Variants in ITPR2 observed in about 807,000 individuals in gnomAD.
ITPR2 encodes the protein inositol 1,4,5-trisphosphate-gated calcium channel ITPR2.
A neutral mutation model predicts 317.1 loss-of-function variants in ITPR2; 207 were observed. That is an observed-to-expected ratio of 0.65 (90% CI 0.58 to 0.73). The LOEUF (loss-of-function observed/expected upper bound fraction) is 0.73, where lower values mean the gene tolerates loss of function less well. ITPR2 is among the 30% of genes least tolerant of loss of function. The pLI is 0.00. For synonymous variants in ITPR2, 1,156 were observed against 1,149.1 expected (o/e 1.01, Z -0.12); for missense variants, 2,613 against 3,284.0 (o/e 0.80, Z 4.99).
intron 26 of ITPR2, among the ~76,000 whole-genome samples, chr12:26,617,631 G>A (rs1279122508): frequency 1.4e-5 from 2 of 147,520 alleles, no homozygotes; most frequent in East Asian, 4.0e-4. Flanking sequence ...AGAAGAAAAG[G>A]AAAGAAAAAA....
chr12:26,550,201 G>T, intron 37 of ITPR2, 46 bp downstream of exon 37: 1 of 787,756 alleles, frequency 1.3e-6, no homozygotes. Flanking sequence ...CAGTATTGGG[G>T]AAATCCTACT....
intron 37 of ITPR2, among the ~76,000 whole-genome samples, chr12:26,536,446 G>T (rs1160181351): frequency 6.6e-6 from 1 of 152,172 alleles, no homozygotes; most frequent in East Asian, 1.9e-4. Context: ...AGGTGAATAA[G>T]AAGAGGAAGG....
intron 21 of ITPR2, chr12:26,649,435 T>C (rs1947191870): frequency 6.6e-6 from 1 of 152,184 alleles, no homozygotes; most frequent in African/African-American, 2.4e-5. Flanking sequence ...ATTTTCAAAT[T>C]GTATCACTTG....
intron 34 of ITPR2, among the ~76,000 whole-genome samples, chr12:26,565,151 C>T (rs575461937): frequency 6.6e-6 from 1 of 152,118 alleles, no homozygotes; most frequent in South Asian, 2.1e-4. Context: ...TCAATGAACC[C>T]CCTATGAAAA....
intron 55 of ITPR2, among the ~76,000 whole-genome samples, chr12:26,381,433 C>A (rs1409808453): frequency 2.0e-5 from 3 of 152,098 alleles, no homozygotes; most frequent in African/African-American, 7.2e-5. Flanking sequence ...TCCTATTTAT[C>A]TTTATACAGC....
chr12:26,632,064 C>A lies in ITPR2; in HGVS notation c.2741-5G>T. ...TGGTTCTCATCACATTGTTTCCTGG[C>A]ATGAGAAAATGCCGTAAGTCAACAC... On this transcript the variant is annotated splice_polypyrimidine_tract_variant and splice_region_variant and intron_variant, in intron 21 of 56. Transcript: ENST00000381340. 1 of 1,527,440 alleles carries A rather than the reference C, an allele frequency of 6.5e-7. No homozygotes were observed. Among genetic ancestry groups the A allele is most frequent in the South Asian group, 1.3e-5 (1 of 76,544 alleles). The allele number at this position is 1,527,440 out of a possible 1,614,324, so 94.6% of individuals were successfully genotyped here. A position where few individuals can be genotyped will look rare whatever the true frequency, so the allele number is the denominator to read the frequency against.
At chr12:26,789,817 C>T (rs1247001064) in intron 2 of ITPR2, among the ~76,000 whole-genome samples, 1 of 152,186 alleles carries the variant, frequency 6.6e-6, no homozygotes, top group African/African-American at 2.4e-5. Flanking sequence ...TCTAACAATG[C>T]AACACTATAA....
At chr12:26,611,475 A>G (rs1946264865) in intron 26 of ITPR2, among the ~76,000 whole-genome samples, 2 of 152,210 alleles carry the variant, frequency 1.3e-5, no homozygotes, top group Admixed American at 1.3e-4. Flanking sequence ...GAGTTTAAGC[A>G]TGAGACTTTA....
chr12:26,754,406 T>A (rs1310796756), intron 2 of ITPR2, among the ~76,000 whole-genome samples: 4 of 152,214 alleles, frequency 2.6e-5, no homozygotes, highest in Non-Finnish European at 5.9e-5. Flanking sequence ...CTGTCTGCTG[T>A]CCTAGGCTCC....
Position 26,459,620 on chromosome 12 carries a change from T to C in ITPR2, c.6342+15676A>G, listed in dbSNP as rs990414453. ...GAATCTCTCTCCTCTCTTGCTTTTA[T>C]ATCACATTCCCTCAATTTTCTGTGG... On this transcript the variant is annotated intron_variant, in intron 45 of 56. Coordinates refer to ENST00000381340, the MANE Select transcript of ITPR2 (RefSeq NM_002223.4). Among the ~76,000 whole-genome samples, 7 of 152,236 alleles carry C rather than the reference T, an allele frequency of 4.6e-5. No individual in the cohort carries two copies. The South Asian group carries it at 1.4e-3, about 31-fold the overall frequency.
chr12:26,346,899 T>A (rs1938329924), intron 55 of ITPR2, among the ~76,000 whole-genome samples: 1 of 152,124 alleles, frequency 6.6e-6, no homozygotes, highest in African/African-American at 2.4e-5. Context: ...CTGTGAGCTA[T>A]GATGTAAAGA....
At chr12:26,608,404 G>GC (rs1399451452) in intron 26 of ITPR2, among the ~76,000 whole-genome samples, 1 of 151,802 alleles carries the variant, frequency 6.6e-6, no homozygotes, top group Non-Finnish European at 1.5e-5. Flanking sequence ...CTCTCCCCGG[G>GC]CCCCCCACCG....
At chr12:26,677,162 G>A (rs1031405780) in intron 13 of ITPR2, among the ~76,000 whole-genome samples, 1 of 151,844 alleles carries the variant, frequency 6.6e-6, no homozygotes, top group East Asian at 1.9e-4. Flanking sequence ...TTGGGTGGGA[G>A]GGGAATATAA....
intron 1 of ITPR2, among the ~76,000 whole-genome samples, chr12:26,811,263 AC>A (rs1950739089): frequency 6.6e-6 from 1 of 152,220 alleles, no homozygotes; most frequent in Admixed American, 6.5e-5. Context: ...AACTAATTCA[AC>A]ATTTTCTTCC....
At chr12:26,510,851 G>A (rs919782515) in intron 37 of ITPR2, among the ~76,000 whole-genome samples, 1 of 152,188 alleles carries the variant, frequency 6.6e-6, no homozygotes, top group Non-Finnish European at 1.5e-5. Flanking sequence ...AAATATTTTT[G>A]AGGAGTGTGC....
At chr12:26,494,000 A>C (rs1177842649) in intron 39 of ITPR2, 153 bp downstream of exon 39, 10 of 565,506 alleles carry the variant, frequency 1.8e-5, no homozygotes, top group Non-Finnish European at 3.0e-5. Flanking sequence ...TTTCTACAGC[A>C]AACAAATTTA....
Position 26,513,386 on chromosome 12 carries a change from G to GA in ITPR2, c.5074-18127dup, listed in dbSNP as rs1378477545. On this transcript the variant is annotated intron_variant, in intron 37 of 56. Coordinates refer to ENST00000381340, the MANE Select transcript of ITPR2 (RefSeq NM_002223.4). ...GAATATTAATATTCTTTTTATTCTG[G>GA]AAAATGTAAAAAGTTTTCTAAAGAT... 3.3e-5 allele frequency among the ~76,000 whole-genome samples: 5 copies of GA among 152,116 alleles called. No homozygotes were observed. In the East Asian group the frequency reaches 9.7e-4, roughly 29 times the overall value.
Position 26,686,483 on chromosome 12 carries a change from T to G in ITPR2, c.1146A>C (p.Pro382=), listed in dbSNP as rs1948127741. 2 of 1,565,688 alleles carry G rather than the reference T, an allele frequency of 1.3e-6. No homozygotes were observed. The highest frequency in any genetic ancestry group is 2.7e-5 in the African/African-American group (2 of 73,018). ...CTTTTAACCATAATTTTTTTTACCT[T>G]GGAACCAGGCAGTCAGCTCTCTGAA... ...TTLQRADCLV[P]RNSYVRLRHL... The change falls in exon 11 of 57, where the codon CCA becomes CCC. Residue 382 remains proline (P), a splice_region_variant and synonymous_variant. Transcript: ENST00000381340.
intron 9 of ITPR2, among the ~76,000 whole-genome samples, chr12:26,710,013 C>T (rs938781842): frequency 6.6e-6 from 1 of 152,168 alleles, no homozygotes; most frequent in Non-Finnish European, 1.5e-5. Context: ...CCGAGGCAGG[C>T]GCTTGAGTCC....
Sources: allele counts gnomAD v4.1 joint callset (sites outside exome capture counted in the v4.1 genomes callset), GRCh38; gene constraint gnomAD v4.1.1; transcripts MANE v1.5; gene names NCBI Gene and HGNC (gene_info 2026-07-23, HGNC 2026-07-21).